ZNF83: variants seen among roughly 807,000 people sequenced by gnomAD.
The protein encoded by ZNF83 is zinc finger protein 816B.
For missense variants in ZNF83, 552 were observed against 629.9 expected (o/e 0.88, Z 1.32); for synonymous variants, 209 against 213.0 (o/e 0.98, Z 0.17).
chr19:52,619,182 A>G, intron 2 of ZNF83: 1 of 1,605,686 alleles, frequency 6.2e-7, no homozygotes, highest in Non-Finnish European at 8.5e-7. Flanking sequence ...AAATCTGAGT[A>G]AGGGATTTTT....
intron 2 of ZNF83, among the ~76,000 whole-genome samples, chr19:52,658,480 C>T (rs945918161): frequency 6.6e-6 from 1 of 152,116 alleles, no homozygotes; most frequent in Admixed American, 6.5e-5. Flanking sequence ...GTGAGAGAAT[C>T]GCTTGAATCC....
At chr19:52,683,226 CTCTGTGTGTGTGTGTG>C (rs1306980137) in intron 1 of ZNF83, among the ~76,000 whole-genome samples, 111 of 135,760 alleles carry the variant, frequency 8.2e-4, no homozygotes, top group Middle Eastern at 3.5e-3. Flanking sequence ...TGCCCTGTGA[CTCTGTGTGTGTGTGTG>C]TGTGTGTGTG....
chr19:52,676,891 T>C (rs2061820764), intron 1 of ZNF83, among the ~76,000 whole-genome samples: 1 of 133,694 alleles, frequency 7.5e-6, no homozygotes, highest in East Asian at 2.1e-4. Context: ...TTAAGGGTGG[T>C]GCAAGATGTG....
chr19:52,624,956 A>G (rs2060683280), intron 2 of ZNF83, among the ~76,000 whole-genome samples: 1 of 151,962 alleles, frequency 6.6e-6, no homozygotes, highest in African/African-American at 2.4e-5. Context: ...CCAGACATCA[A>G]TCCAGCCTGC....
intron 2 of ZNF83, among the ~76,000 whole-genome samples, chr19:52,619,647 G>C (rs1204861219): frequency 6.6e-6 from 1 of 150,882 alleles, no homozygotes; most frequent in Non-Finnish European, 1.5e-5. Context: ...AAAAATGTTA[G>C]AAACTTTTAT....
At chr19:52,631,820 C>T (rs8111682) in intron 2 of ZNF83, among the ~76,000 whole-genome samples, 56,821 of 147,964 alleles carry the variant, frequency 0.38, 9,179 homozygotes, top group African/African-American at 0.52. Flanking sequence ...TAGTACAAGC[C>T]ACTAGCCCGC....
At chr19:52,623,920 C>A (rs1446693849) in intron 2 of ZNF83, among the ~76,000 whole-genome samples, 2 of 152,186 alleles carry the variant, frequency 1.3e-5, no homozygotes, top group Non-Finnish European at 2.9e-5. Context: ...GGTGCCCAAC[C>A]TGTACACTCT....
chr19:52,651,206 A>G (rs959379748), intron 3 of ZNF83: 1 of 152,252 alleles, frequency 6.6e-6, no homozygotes, highest in Admixed American at 6.5e-5. Flanking sequence ...AAAATTCCAT[A>G]TGACCATCAG....
upstream of ZNF83, among the ~76,000 whole-genome samples, chr19:52,639,932 A>G (rs1048897672): frequency 3.3e-5 from 5 of 152,192 alleles, no homozygotes; most frequent in South Asian, 2.1e-4. Flanking sequence ...TCACTGTTCT[A>G]TACAACCCAT....
intron 1 of ZNF83, among the ~76,000 whole-genome samples, chr19:52,683,272 G>C (rs975972228): frequency 9.6e-5 from 8 of 83,708 alleles, no homozygotes; most frequent in African/African-American, 2.7e-4. Context: ...GTGTGTGTGT[G>C]TGTGTGTGTA....
At chr19:52,677,959 T>C (rs1037900362) in intron 1 of ZNF83, among the ~76,000 whole-genome samples, 2 of 151,594 alleles carry the variant, frequency 1.3e-5, no homozygotes, top group African/African-American at 4.9e-5. Flanking sequence ...TGCTTGAACC[T>C]GGGAGTCGGA....
intron 2 of ZNF83, among the ~76,000 whole-genome samples, chr19:52,631,012 T>A (rs1291490863): frequency 1.3e-5 from 2 of 148,164 alleles, no homozygotes; most frequent in African/African-American, 5.0e-5. Flanking sequence ...ATTATTCTGT[T>A]CTGGATCTCA....
At position 52,675,400 on chromosome 19, in the gene ZNF83, A is replaced by T. The variant is rs1249829264; in HGVS notation, c.-282-14557T>A. Among the ~76,000 whole-genome samples, 13 of 152,228 alleles carry T rather than the reference A, an allele frequency of 8.5e-5. No homozygotes were observed. The East Asian group carries it at 2.1e-3, about 25-fold the overall frequency. ...AGAAAATACAAGAACAGAAAGAAAT[A>T]TATCAAGGGGGATACAAGGGCTGAG... On this transcript the variant is annotated intron_variant, in intron 1 of 5. Transcript: ENST00000594682.
At chr19:52,676,727 C>T (rs367916808) in intron 1 of ZNF83, among the ~76,000 whole-genome samples, 13 of 138,474 alleles carry the variant, frequency 9.4e-5, no homozygotes, top group African/African-American at 1.9e-4. Flanking sequence ...GGATGGTTGC[C>T]GTGTCTGTGT....
intron 1 of ZNF83, among the ~76,000 whole-genome samples, chr19:52,681,428 GAA>G (rs1398010514): frequency 7.9e-5 from 12 of 151,922 alleles, no homozygotes; most frequent in Admixed American, 7.9e-4. Flanking sequence ...TGATAGAAAA[GAA>G]AAGAGAGTAA....
At chr19:52,674,859 T>C (rs1490765952) in intron 1 of ZNF83, among the ~76,000 whole-genome samples, 1 of 152,154 alleles carries the variant, frequency 6.6e-6, no homozygotes, top group Non-Finnish European at 1.5e-5. Flanking sequence ...ACAACGCCCA[T>C]ACAAATCCCT....
At chr19:52,628,466 G>A (rs902785111) in intron 2 of ZNF83, among the ~76,000 whole-genome samples, 2 of 151,738 alleles carry the variant, frequency 1.3e-5, no homozygotes, top group Non-Finnish European at 2.9e-5. Flanking sequence ...TCATTTTCTG[G>A]TAGAGACAAA....
intron 1 of ZNF83, among the ~76,000 whole-genome samples, chr19:52,669,411 C>A (rs754371241): frequency 6.6e-6 from 1 of 152,232 alleles, no homozygotes; most frequent in Non-Finnish European, 1.5e-5. Flanking sequence ...CTATGACAAC[C>A]AACAGCTATC....
At chr19:52,668,295 T>G (rs190272365) in intron 1 of ZNF83, among the ~76,000 whole-genome samples, 1 of 152,154 alleles carries the variant, frequency 6.6e-6, no homozygotes, top group Admixed American at 6.5e-5. Flanking sequence ...ACATCACACC[T>G]GAGTCAAGCA....
Sources: gnomAD v4.1 joint callset for allele counts (sites outside exome capture counted in the v4.1 genomes callset) on GRCh38, gnomAD v4.1.1 for gene constraint, MANE v1.5 for transcripts, NCBI Gene and HGNC (gene_info 2026-07-23, HGNC 2026-07-21) for gene names.